The following ASAP2 variants were observed in gnomAD, a reference collection of about 807,000 sequenced individuals.
ASAP2 encodes the protein ArfGAP with SH3 domain, ankyrin repeat and PH domain 2.
ASAP2 carries 45 observed loss-of-function variants against 131.4 expected under a neutral mutation model. The observed-to-expected ratio is 0.34, with a 90% CI of 0.27 to 0.44. The LOEUF (loss-of-function observed/expected upper bound fraction) is 0.44, where lower values mean the gene tolerates loss of function less well. Among genes scored for constraint, ASAP2 ranks in the 20% least tolerant of loss-of-function variants. ASAP2 has a pLI of 1.00. For synonymous variants in ASAP2, 510 were observed against 503.0 expected, an observed-to-expected ratio of 1.01 and a Z score of -0.19; for missense variants, 1,011 against 1,297.0, an observed-to-expected ratio of 0.78 and a Z score of 3.39.
chr2:9,248,035 G>C (rs1664452679), intron 1 of ASAP2, among the ~76,000 whole-genome samples: 3 of 152,228 alleles, frequency 2.0e-5, no homozygotes, highest in African/African-American at 7.2e-5. Context: ...AACAGAAAAG[G>C]CCTTGGAGCT....
chr2:9,271,059 C>T lies in ASAP2; in HGVS notation c.127-8258C>T, dbSNP rs528547857. 3.3e-5 allele frequency among the ~76,000 whole-genome samples: 5 copies of T among 151,978 alleles called. 1 individual carries two copies. In the South Asian group the frequency reaches 1.0e-3, roughly 32 times the overall value. On this transcript the variant is annotated intron_variant, in intron 1 of 27. Coordinates refer to ENST00000281419, the MANE Select transcript of ASAP2 (RefSeq NM_003887.3). ...CCACCTGCCTCGGCCTCCCAAAGTG[C>T]TGGGATTACAGGCGTGAGCCACCGC... is the stretch of plus-strand genomic sequence containing the variant.
chr2:9,229,068 T>C lies in ASAP2; in HGVS notation c.126+21838T>C, dbSNP rs558152499. On this transcript the variant is annotated intron_variant, in intron 1 of 27. Coordinates refer to ENST00000281419, the MANE Select transcript of ASAP2 (RefSeq NM_003887.3). ...GCAGTTGAAGGCTAGGGGCGGAAAGTGGACAATCAGGATAGAGACAGGACT... is the reference window on the plus strand; with the variant it reads ...GCAGTTGAAGGCTAGGGGCGGAAAGCGGACAATCAGGATAGAGACAGGACT... Among the ~76,000 whole-genome samples, 14 of 152,034 alleles carry C rather than the reference T, an allele frequency of 9.2e-5. No homozygotes were observed. The South Asian group carries it at 2.7e-3, about 29-fold the overall frequency.
At chr2:9,337,046 G>A (rs10169465) in intron 9 of ASAP2, among the ~76,000 whole-genome samples, 81 of 152,382 alleles carry the variant, frequency 5.3e-4, no homozygotes, top group African/African-American at 1.9e-3. Context: ...GTTATTTACA[G>A]CTTCGCAGGA....
intron 18 of ASAP2, among the ~76,000 whole-genome samples, chr2:9,377,905 T>G (rs1400042315): frequency 6.6e-6 from 1 of 152,106 alleles, no homozygotes; most frequent in African/African-American, 2.4e-5. Context: ...ATGCCCCATC[T>G]CTGAGTGCCA....
chr2:9,302,069 C>T (rs188357868), intron 3 of ASAP2, among the ~76,000 whole-genome samples: 1,984 of 150,848 alleles, frequency 0.013, 51 homozygotes, highest in African/African-American at 0.046. Flanking sequence ...GTGATCCACC[C>T]GCCTTGGCCT....
intron 25 of ASAP2, 42 bp from the exon 26 acceptor site, chr2:9,400,700 G>A (rs1462091118): frequency 1.3e-6 from 2 of 1,524,764 alleles, no homozygotes; most frequent in Non-Finnish European, 1.8e-6. Flanking sequence ...TCATGGCTGT[G>A]ATTGATGGGA....
chr2:9,337,774 C>T (rs1044897275), intron 9 of ASAP2, among the ~76,000 whole-genome samples: 4 of 152,170 alleles, frequency 2.6e-5, no homozygotes, highest in African/African-American at 9.7e-5. Flanking sequence ...GACCTCACAC[C>T]TCCCAATCAC....
chr2:9,245,972 A>G (rs1664309459), intron 1 of ASAP2, among the ~76,000 whole-genome samples: 1 of 152,246 alleles, frequency 6.6e-6, no homozygotes, highest in African/African-American at 2.4e-5. Context: ...CTTAAAAACA[A>G]GCATACGATG....
chr2:9,315,100 G>GCT (rs1572426714), intron 3 of ASAP2, among the ~76,000 whole-genome samples: 2 of 152,182 alleles, frequency 1.3e-5, no homozygotes, highest in East Asian at 3.9e-4. Flanking sequence ...AACAAATTGA[G>GCT]CACATGCGTA....
rs573347604 is a variant in ASAP2 at position 9,369,321 on chromosome 2, C to T, written c.1556+802C>T. Among the ~76,000 whole-genome samples the T allele has an allele frequency of 1.4e-4, 22 of 152,178 alleles. 1 individual carries two copies. The highest frequency in any genetic ancestry group is 4.8e-4 in the African/African-American group (20 of 41,536). Reference sequence around the variant, plus strand: ...GGCGTGAGGCACCGTGCCTGGCCAGCGGAGAAGCTTTTGTGTCTACTGGTG... The same window carrying T: ...GGCGTGAGGCACCGTGCCTGGCCAGTGGAGAAGCTTTTGTGTCTACTGGTG... On this transcript the variant is annotated intron_variant, in intron 16 of 27. Coordinates refer to ENST00000281419, the MANE Select transcript of ASAP2 (RefSeq NM_003887.3).
At chr2:9,252,785 G>A (rs1395453897) in intron 1 of ASAP2, among the ~76,000 whole-genome samples, 7 of 150,702 alleles carry the variant, frequency 4.6e-5, no homozygotes, top group South Asian at 2.1e-4. Context: ...GCGTGGTGGC[G>A]GGCGCCTGTA....
intron 22 of ASAP2, 133 bp downstream of exon 22, chr2:9,388,679 C>T: frequency 7.7e-7 from 1 of 1,304,032 alleles, no homozygotes; most frequent in Non-Finnish European, 1.0e-6. Flanking sequence ...CTGTTTGCTT[C>T]CTAAAGGGAT....
rs776492234 is a variant in ASAP2, at chr2:9,344,737, A to T, written c.960A>T (p.Arg320=). The T allele has an allele frequency of 2.5e-6, 4 of 1,614,100 alleles. No homozygotes were observed. The South Asian group carries it at 4.4e-5, about 18-fold the overall frequency. The part of the protein sequence containing the change: ...GSLYKKSDGI[R]KVWQKRKCSV... ...TCTCCCACTTATCCACAAGGATCCG[A>T]AAAGTGTGGCAGAAAAGGAAATGTT... is the stretch of plus-strand genomic sequence containing the variant. Residue 320 remains arginine, a synonymous_variant, in exon 11 of 28, where the codon CGA becomes CGT. Transcript: ENST00000281419.
At chr2:9,379,869 G>A (rs1157059805) in intron 19 of ASAP2, among the ~76,000 whole-genome samples, 3 of 151,914 alleles carry the variant, frequency 2.0e-5, no homozygotes, top group Non-Finnish European at 4.4e-5. Flanking sequence ...GCGCGCACCT[G>A]TAGGCCCAGC....
intron 7 of ASAP2, among the ~76,000 whole-genome samples, chr2:9,331,547 C>T (rs1207405210): frequency 2.0e-5 from 3 of 152,156 alleles, no homozygotes; most frequent in Non-Finnish European, 4.4e-5. Flanking sequence ...GGGGGCGGAT[C>T]ACCTGAGGTC....
At chr2:9,267,908 A>AG (rs1341324325) in intron 1 of ASAP2, among the ~76,000 whole-genome samples, 1 of 150,244 alleles carries the variant, frequency 6.7e-6, no homozygotes, top group African/African-American at 2.4e-5. Context: ...AAAAAAAAAA[A>AG]AAAAAAAAAA....
At chr2:9,360,459 G>A (rs183714717) in intron 15 of ASAP2, among the ~76,000 whole-genome samples, 11 of 152,252 alleles carry the variant, frequency 7.2e-5, no homozygotes, top group Middle Eastern at 3.4e-3. Context: ...ACACAAATTG[G>A]CATTTTAGTG....
intron 7 of ASAP2, among the ~76,000 whole-genome samples, chr2:9,333,794 C>G (rs1670996900): frequency 6.6e-6 from 1 of 152,220 alleles, no homozygotes; most frequent in South Asian, 2.1e-4. Flanking sequence ...AGAGGCAGCA[C>G]TGAACACCAG....
chr2:9,249,230 C>T (rs910556931), intron 1 of ASAP2, among the ~76,000 whole-genome samples: 9 of 152,200 alleles, frequency 5.9e-5, no homozygotes, highest in African/African-American at 1.9e-4. Flanking sequence ...CTTCCTGCTG[C>T]GAGCTTTAGC....
Sources: allele counts gnomAD v4.1 joint callset (sites outside exome capture counted in the v4.1 genomes callset), GRCh38; gene constraint gnomAD v4.1.1; transcripts MANE v1.5; gene names NCBI Gene and HGNC (gene_info 2026-07-23, HGNC 2026-07-21).